Variants in ZSCAN18 observed in about 807,000 individuals in gnomAD.
ZSCAN18 encodes zinc finger and SCAN domain containing 18, also known as zinc finger and SCAN domain-containing protein 18.
ZSCAN18 carries 16 observed loss-of-function variants against 31.1 expected under a neutral mutation model. The ratio of observed to expected loss-of-function variants is 0.51; its 90% CI spans 0.35 to 0.78. The LOEUF is 0.78. Among genes scored for constraint, ZSCAN18 ranks in the 30% least tolerant of loss-of-function variants. The pLI, the probability that ZSCAN18 is intolerant of heterozygous loss-of-function variation, is 0.01. For synonymous variants in ZSCAN18, 375 were observed against 320.7 expected (o/e 1.17, Z -1.81); for missense variants, 731 against 697.4 (o/e 1.05, Z -0.54).
At chr19:58,103,903 G>A (rs211579) in intron 1 of ZSCAN18, among the ~76,000 whole-genome samples, 116,155 of 152,126 alleles carry the variant, frequency 0.76, 44,987 homozygotes, top group Non-Finnish European at 0.85. Flanking sequence ...CAGTGAATAT[G>A]TGAATGACAA....
chr19:58,085,854 C>T (rs887179658), intron 6 of ZSCAN18: 13 of 372,250 alleles, frequency 3.5e-5, no homozygotes, highest in African/African-American at 2.1e-4. Flanking sequence ...CCAAGTCCGC[C>T]TCTAGGTGTT....
Position 58,094,880 on chromosome 19 carries a change from A to C in ZSCAN18, c.-120+3294T>G, listed in dbSNP as rs1451718461. Among the ~76,000 whole-genome samples the C allele has an allele frequency of 4.4e-3, 387 of 88,168 alleles. 1 individual carries two copies. The highest frequency in any genetic ancestry group is 0.023 in the African/African-American group (370 of 16,092). The allele number at this position is 88,168 out of a possible 152,430, so 57.8% of individuals were successfully genotyped here. ...GTAACAGAGTGAGACCCTGTCGCAA[A>C]AAAAAAAAAAAAAAAAAAAAAAAAA... On this transcript the variant is annotated intron_variant, in intron 1 of 6. Coordinates refer to ENST00000601144, the MANE Select transcript of ZSCAN18 (RefSeq NM_001145543.2).
Position 58,090,397 on chromosome 19 carries a change from C to T in ZSCAN18, c.-119-11G>A, listed in dbSNP as rs1307010624. 1 of 1,528,008 alleles carries T rather than the reference C, an allele frequency of 6.5e-7. No homozygotes were observed. Among genetic ancestry groups the T allele is most frequent in the Admixed American group, 2.1e-5 (1 of 48,374 alleles). 94.7% of individuals were successfully genotyped at this position (1,528,008 alleles called of 1,614,324 possible). On this transcript the variant is annotated splice_polypyrimidine_tract_variant and intron_variant, in intron 1 of 6. Coordinates refer to ENST00000601144, the MANE Select transcript of ZSCAN18 (RefSeq NM_001145543.2). The surrounding 1 kb of genome is among the most constrained non-coding windows in gnomAD (Gnocchi z 4.7). Reference sequence around the variant, plus strand: ...CCAGAACCCACAGACCTGCAGAGGACACGGACAAGGCAATGGCCTTGCATA... The same window carrying T: ...CCAGAACCCACAGACCTGCAGAGGATACGGACAAGGCAATGGCCTTGCATA...
At chr19:58,087,860 G>C (rs927277839) in intron 3 of ZSCAN18, 2 of 164,308 alleles carry the variant, frequency 1.2e-5, no homozygotes, top group African/African-American at 4.8e-5. Flanking sequence ...GGCTGGTCTC[G>C]AATGCCCGGG....
At chr19:58,094,877 CAAAAAAAAAA>C (rs56377325) in intron 1 of ZSCAN18, among the ~76,000 whole-genome samples, 10 of 35,282 alleles carry the variant, frequency 2.8e-4, no homozygotes, top group Non-Finnish European at 3.6e-4. Context: ...GACCCTGTCG[CAAAAAAAAAA>C]AAAAAAAAAA....
chr19:58,115,838 A>C (rs1313387674), intron 1 of ZSCAN18, among the ~76,000 whole-genome samples: 1 of 152,108 alleles, frequency 6.6e-6, no homozygotes, highest in African/African-American at 2.4e-5. Flanking sequence ...TGTTTCTCTC[A>C]ATGCTTGTGT....
At chr19:58,107,940 GTA>G in intron 1 of ZSCAN18, 1 of 1,074,058 alleles carries the variant, frequency 9.3e-7, no homozygotes, top group Non-Finnish European at 1.1e-6. Flanking sequence ...CTTCTCACCA[GTA>G]TGAGTCCTCT....
intron 2 of ZSCAN18, among the ~76,000 whole-genome samples, 173 bp from the exon 3 acceptor site, chr19:58,089,010 TAA>T (rs2074345264): frequency 1.3e-5 from 2 of 152,174 alleles, no homozygotes; most frequent in Admixed American, 1.3e-4. Flanking sequence ...TATTTACTGT[TAA>T]GAGGCTGGGG....
chr19:58,085,459 GGAACA>G, intron 6 of ZSCAN18, 80 bp from the exon 7 acceptor site: 1 of 1,288,792 alleles, frequency 7.8e-7, no homozygotes, highest in East Asian at 2.6e-5. Flanking sequence ...CTCAGCTGCC[GGAACA>G]GCGCACAGGG....
rs186753495 is a variant in ZSCAN18 at position 58,107,633 on chromosome 19, T to C, written c.130+10634A>G. 42 of 984,732 alleles carry C rather than the reference T, an allele frequency of 4.3e-5. No homozygotes were observed. The African/African-American group carries it at 7.0e-4, about 16-fold the overall frequency. The allele number at this position is 984,732 out of a possible 1,614,324, so 61.0% of individuals were successfully genotyped here. ...CTGTCATCCAGGATTTTTTCTTCCA[T>C]TTATAGATGGAAAAACATATTTGTT... On this transcript the variant is annotated intron_variant, in intron 1 of 1. Coordinates refer to the ZSCAN18 transcript ENST00000595721.
In ZSCAN18 at chr19:58,085,063, G is replaced by A. The variant is rs758842024; in HGVS notation, c.1155C>T (p.Val385=). The change falls in exon 7 of 7, where the codon GTC becomes GTT. Residue 385 remains valine (V), a synonymous_variant. Transcript: ENST00000601144. Reference sequence around the variant, plus strand: ...GCCCTGCGCTGTCGCCGGAGCTAGAGACGCCCTCGAGGCTCTGCCCGTCCC... The same window carrying A: ...GCCCTGCGCTGTCGCCGGAGCTAGAAACGCCCTCGAGGCTCTGCCCGTCCC... ...EDGDGQSLEG[V]SSSGDSAGLE... 1.9e-6 allele frequency: 3 copies of A among 1,600,970 alleles called. No individual in the cohort carries two copies. The highest frequency in any genetic ancestry group is 1.7e-5 in the Admixed American group (1 of 59,098).
rs185219162 is a variant in ZSCAN18 at position 58,090,881 on chromosome 19, C to T, written c.-119-495G>A. Among the ~76,000 whole-genome samples the T allele has an allele frequency of 4.3e-4, 65 of 151,738 alleles. No homozygotes were observed. The highest frequency in any genetic ancestry group is 1.5e-3 in the African/African-American group (63 of 41,396). On this transcript the variant is annotated intron_variant, in intron 1 of 6. Coordinates refer to ENST00000601144, the MANE Select transcript of ZSCAN18 (RefSeq NM_001145543.2). The surrounding 1 kb of genome is among the most constrained non-coding windows in gnomAD (Gnocchi z 4.7). ...CTGGGATTACAGGTGTGAGCCACTG[C>T]GCCCAGCATCATTACCAGAATTTTA...
At chr19:58,101,350 C>T (rs1356639091), upstream of ZSCAN18, among the ~76,000 whole-genome samples, 4 of 144,568 alleles carry the variant, frequency 2.8e-5, no homozygotes, top group Non-Finnish European at 4.5e-5. Flanking sequence ...AGGGTTTCAC[C>T]ATGTTAGCCA....
intron 1 of ZSCAN18, among the ~76,000 whole-genome samples, chr19:58,117,964 T>G (rs1328395936): frequency 6.6e-6 from 1 of 150,598 alleles, no homozygotes; most frequent in Non-Finnish European, 1.5e-5. Flanking sequence ...GAGGAGGGAG[T>G]AGGGGTCCGC....
Position 58,085,056 on chromosome 19 carries a change from A to G in ZSCAN18, c.1162T>C (p.Ser388Pro), listed in dbSNP as rs1252480217. ...GCCTCCAGCCCTGCGCTGTCGCCGG[A>G]GCTAGAGACGCCCTCGAGGCTCTGC... is the stretch of plus-strand genomic sequence containing the variant. ...DGQSLEGVSS[S>P]GDSAGLEAGQ... The change falls in exon 7 of 7, where the codon TCC (serine) becomes CCC (proline). Residue 388 changes from serine to proline, a missense_variant. Transcript: ENST00000601144. The G allele has an allele frequency of 1.9e-6, 3 of 1,599,630 alleles. No homozygotes were observed. The highest frequency in any genetic ancestry group is 2.6e-6 in the Non-Finnish European group (3 of 1,172,176).
At chr19:58,109,406 A>C in intron 1 of ZSCAN18, 1 of 1,198,252 alleles carries the variant, frequency 8.3e-7, no homozygotes, top group Non-Finnish European at 1.0e-6. Flanking sequence ...AGTATCTATT[A>C]TATCTGATGC....
chr19:58,108,784 G>A (rs1329054309), intron 1 of ZSCAN18: 5 of 986,230 alleles, frequency 5.1e-6, no homozygotes, highest in Non-Finnish European at 6.0e-6. Context: ...GCAATTACAT[G>A]TTGTTCACTA....
chr19:58,087,095 G>C, intron 4 of ZSCAN18, 87 bp from the exon 5 acceptor site: 1 of 1,238,334 alleles, frequency 8.1e-7, no homozygotes, highest in Non-Finnish European at 1.1e-6. Flanking sequence ...GAGCAGGCTA[G>C]GAGCCAGCCC....
intron 1 of ZSCAN18, 59 bp downstream of exon 1, chr19:58,098,115 C>A: frequency 1.0e-6 from 1 of 985,438 alleles, no homozygotes; most frequent in Non-Finnish European, 1.2e-6. Context: ...GCGTCCTCAC[C>A]GTCTACCCTG....
Sources: gnomAD v4.1 joint callset for allele counts (sites outside exome capture counted in the v4.1 genomes callset) on GRCh38, gnomAD v4.1.1 for gene constraint, Gnocchi (gnomAD v3.1) non-coding constraint, MANE v1.5 for transcripts, NCBI Gene and HGNC (gene_info 2026-07-23, HGNC 2026-07-21) for gene names.